Variants in NAPA observed in about 807,000 individuals in gnomAD.
The protein encoded by NAPA is alpha-soluble NSF attachment protein.
NAPA carries 18 observed loss-of-function variants against 48.0 expected under a neutral mutation model. The observed-to-expected ratio is 0.38, with a 90% CI of 0.26 to 0.56. The LOEUF (loss-of-function observed/expected upper bound fraction) is 0.56. Ranked by LOEUF, NAPA falls within the 20% of genes least tolerant of loss-of-function variation. NAPA has a pLI of 0.77. For missense variants in NAPA, 315 were observed against 385.0 expected (o/e 0.82, Z 1.52); for synonymous variants, 152 against 149.9 (o/e 1.01, Z -0.10).
intron 2 of NAPA, among the ~76,000 whole-genome samples, chr19:47,502,583 G>A (rs1438850906): frequency 6.6e-6 from 1 of 152,150 alleles, no homozygotes; most frequent in African/African-American, 2.4e-5. Flanking sequence ...CCACCACCAG[G>A]TTCCCTCTCC....
At position 47,488,226 on chromosome 19, in the gene NAPA, C is replaced by T. The variant is rs1416513948; in HGVS notation, c.*62G>A. ...AGGAGGGAAGCTCTCCAGCAAGTCT[C>T]GGCCCCACCTCTCTCTGAGCAGATG... On this transcript the variant is annotated 3_prime_UTR_variant, in exon 11 of 11. Coordinates refer to ENST00000263354, the MANE Select transcript of NAPA (RefSeq NM_003827.4). 23 of 1,469,024 alleles carry T rather than the reference C, an allele frequency of 1.6e-5. No individual in the cohort carries two copies. Among genetic ancestry groups the T allele is most frequent in the Admixed American group, 9.0e-5 (5 of 55,352 alleles). 91.0% of individuals were successfully genotyped at this position (1,469,024 alleles called of 1,614,324 possible). A position where few individuals can be genotyped will look rare whatever the true frequency, so the allele number is the denominator to read the frequency against.
At chr19:47,495,426 TTCCCCC>T in intron 4 of NAPA, 118 bp downstream of exon 4, 1 of 1,110,328 alleles carries the variant, frequency 9.0e-7, no homozygotes, top group Non-Finnish European at 1.3e-6. Context: ...CAGCTCCCAC[TTCCCCC>T]TCCCCAAGTG....
chr19:47,500,419 G>C (rs925636724), intron 3 of NAPA, among the ~76,000 whole-genome samples: 2 of 152,206 alleles, frequency 1.3e-5, no homozygotes, highest in East Asian at 1.9e-4. Context: ...CGGTAGATAG[G>C]GGGGCGGAGA....
At chr19:47,492,772 A>C in intron 7 of NAPA, 189 bp downstream of exon 7, 2 of 697,820 alleles carry the variant, frequency 2.9e-6, no homozygotes, top group Non-Finnish European at 5.2e-6. Context: ...CACGGCATGG[A>C]GTCGTAGGTG....
downstream of NAPA, among the ~76,000 whole-genome samples, chr19:47,485,563 G>A (rs970567528): frequency 4.6e-5 from 7 of 152,228 alleles, no homozygotes; most frequent in Non-Finnish European, 1.0e-4. Flanking sequence ...GAAGGCAGCA[G>A]GCTGATCTCC....
At chr19:47,508,352 G>A (rs1294842788) in intron 1 of NAPA, among the ~76,000 whole-genome samples, 1 of 152,198 alleles carries the variant, frequency 6.6e-6, no homozygotes, top group African/African-American at 2.4e-5. Flanking sequence ...CCTGGAAGCG[G>A]GAAACCACCA....
Position 47,493,421 on chromosome 19 carries a change from C to G in NAPA, c.415G>C (p.Glu139Gln). ...EIYETELVDI[E>Q]KAIAHYEQSA... is the part of the protein sequence containing the mutation. ...AGGGCCCTGCTGCCACTCACCTTCT[C>G]GATGTCCACCAACTCTGTCTCATAG... The change falls in exon 5 of 11, where the codon GAG becomes CAG. Residue 139 changes from glutamate to glutamine, a missense_variant. Glu to Gln is a conservative substitution (Grantham distance 29, BLOSUM62 2). Coordinates refer to ENST00000263354, the MANE Select transcript of NAPA (RefSeq NM_003827.4). The surrounding 1 kb of genome is among the most constrained non-coding windows in gnomAD (Gnocchi z 6.4). The G allele has an allele frequency of 6.2e-7, 1 of 1,613,982 alleles. No homozygotes were observed. Among genetic ancestry groups the G allele is most frequent in the Non-Finnish European group, 8.5e-7 (1 of 1,179,958 alleles).
rs746445297 is a variant in NAPA at position 47,495,579 on chromosome 19, TCAAA to T, written c.309_312del (p.Cys103Ter). 2 of 1,613,670 alleles carry T rather than the reference TCAAA, an allele frequency of 1.2e-6. No homozygotes were observed. The highest frequency in any genetic ancestry group is 1.3e-5 in the African/African-American group (1 of 74,834). On this transcript the variant is annotated frameshift_variant, in exon 4 of 11. Coordinates refer to ENST00000263354, the MANE Select transcript of NAPA (RefSeq NM_003827.4). LOFTEE classifies it high-confidence loss of function. ...TCTGTGTAGATCTCGATTGCTCGCATCAAACAGTTAATGGCCTCTGGAGAGAAAG... is the reference window on the plus strand; with the variant it reads ...TCTGTGTAGATCTCGATTGCTCGCATCAGTTAATGGCCTCTGGAGAGAAAG...
At chr19:47,508,001 A>G (rs1968726680) in intron 1 of NAPA, among the ~76,000 whole-genome samples, 1 of 152,080 alleles carries the variant, frequency 6.6e-6, no homozygotes, top group Non-Finnish European at 1.5e-5. Context: ...AGGAGGGAGG[A>G]CAAGGTCCCT....
chr19:47,492,764 C>A, intron 7 of NAPA, 197 bp downstream of exon 7: 1 of 697,274 alleles, frequency 1.4e-6, no homozygotes, highest in Non-Finnish European at 2.6e-6. Context: ...GGTGCTGGCA[C>A]GGCATGGAGT....
intron 1 of NAPA, among the ~76,000 whole-genome samples, chr19:47,508,892 T>C (rs1158353027): frequency 6.6e-6 from 1 of 151,966 alleles, no homozygotes; most frequent in African/African-American, 2.4e-5. Flanking sequence ...GAGACCAGCC[T>C]GGGCAACACA....
Position 47,506,722 on chromosome 19 carries a change from C to G in NAPA, c.99-3220G>C, listed in dbSNP as rs1427818925. 1 of 152,320 alleles carries G rather than the reference C, an allele frequency of 6.6e-6. No individual in the cohort carries two copies. Among genetic ancestry groups the G allele is most frequent in the African/African-American group, 2.4e-5 (1 of 41,468 alleles). The allele number at this position is 152,320 out of a possible 1,614,324, so 9.4% of individuals were successfully genotyped here. On this transcript the variant is annotated intron_variant, in intron 1 of 10. Transcript: ENST00000263354. This position sits in a 1 kb window ranked among gnomAD's most constrained non-coding sequence, Gnocchi z 4.0. ...GATCCCAGGCTAAGCACAGCCAACC[C>G]TGCACGGGGTCAATGATTCTGTGGG...
chr19:47,495,214 G>T lies in NAPA; in HGVS notation c.342+336C>A, dbSNP rs536297918. 67 of 356,516 alleles carry T rather than the reference G, an allele frequency of 1.9e-4. No homozygotes were observed. In the South Asian group the frequency reaches 2.6e-3, roughly 14 times the overall value. The allele number at this position is 356,516 out of a possible 1,614,324, so 22.1% of individuals were successfully genotyped here. On this transcript the variant is annotated intron_variant, in intron 4 of 10. Coordinates refer to ENST00000263354, the MANE Select transcript of NAPA (RefSeq NM_003827.4). Reference sequence around the variant, plus strand: ...TTGCTATGTTGCCCAGGCTGGTCTCGAACTCCTGTGCCCAAAAGATCCTCC... The same window carrying T: ...TTGCTATGTTGCCCAGGCTGGTCTCTAACTCCTGTGCCCAAAAGATCCTCC...
intron 9 of NAPA, among the ~76,000 whole-genome samples, chr19:47,490,143 G>C (rs938001122): frequency 2.0e-5 from 3 of 149,368 alleles, no homozygotes; most frequent in African/African-American, 7.4e-5. Context: ...TTGCGTGTGT[G>C]GTGTGTTCGG....
intron 3 of NAPA, among the ~76,000 whole-genome samples, chr19:47,497,893 GCTTCT>G (rs1968470693): frequency 6.6e-6 from 1 of 152,184 alleles, no homozygotes; most frequent in Non-Finnish European, 1.5e-5. Context: ...GGGCCAGGTC[GCTTCT>G]CTGCCCCAGG....
At position 47,514,765 on chromosome 19, in the gene NAPA, C is replaced by T. The variant is rs535995243; in HGVS notation, c.98+78G>A. The T allele has an allele frequency of 5.6e-6, 8 of 1,425,478 alleles. No individual in the cohort carries two copies. In the African/African-American group the frequency reaches 5.7e-5, roughly 10 times the overall value. 88.3% of individuals were successfully genotyped at this position (1,425,478 alleles called of 1,614,324 possible). A position where few individuals can be genotyped will look rare whatever the true frequency, so the allele number is the denominator to read the frequency against. Reference sequence around the variant, plus strand: ...TCCCCTCGGCCCGAGCTCTGCGTGCCCTAACCCGCCACCTCCGAGCGTGAC... The same window carrying T: ...TCCCCTCGGCCCGAGCTCTGCGTGCTCTAACCCGCCACCTCCGAGCGTGAC... On this transcript the variant is annotated intron_variant, in intron 1 of 10. Coordinates refer to ENST00000263354, the MANE Select transcript of NAPA (RefSeq NM_003827.4).
At chr19:47,504,674 CATGTGTATATATGTGT>C (rs1405242326) in intron 1 of NAPA, among the ~76,000 whole-genome samples, 4 of 151,616 alleles carry the variant, frequency 2.6e-5, no homozygotes, top group African/African-American at 7.3e-5. Context: ...CATATATACA[CATGTGTATATATGTGT>C]ATGTGTATAT....
intron 3 of NAPA, among the ~76,000 whole-genome samples, chr19:47,497,940 G>A (rs915043297): frequency 6.6e-6 from 1 of 152,226 alleles, no homozygotes; most frequent in East Asian, 1.9e-4. Context: ...CAACTATCAG[G>A]CAGGCCTGGG....
intron 3 of NAPA, among the ~76,000 whole-genome samples, chr19:47,499,371 C>T (rs565660809): frequency 5.3e-5 from 8 of 152,352 alleles, no homozygotes; most frequent in African/African-American, 1.7e-4. Context: ...ACCAGTTTCC[C>T]AGGGAGCAGA....
Sources: gnomAD v4.1 joint callset for allele counts (sites outside exome capture counted in the v4.1 genomes callset) on GRCh38, gnomAD v4.1.1 for gene constraint, Gnocchi (gnomAD v3.1) non-coding constraint, MANE v1.5 for transcripts, NCBI Gene and HGNC (gene_info 2026-07-23, HGNC 2026-07-21) for gene names.